The following SEMA5B variants were observed in gnomAD, a reference collection of about 807,000 sequenced individuals.
The protein encoded by SEMA5B is semaphorin-5B.
Under a neutral mutation model 135.0 loss-of-function variants are expected in SEMA5B, and 66 were observed. That is an observed-to-expected ratio of 0.49 (90% CI 0.40 to 0.60). The LOEUF is 0.60. Among genes scored for constraint, SEMA5B ranks in the 20% least tolerant of loss-of-function variants. The pLI, the probability that SEMA5B is intolerant of heterozygous loss-of-function variation, is 0.00. For missense variants in SEMA5B, 1,501 were observed against 1,566.3 expected (o/e 0.96, Z 0.70); for synonymous variants, 690 against 639.5 (o/e 1.08, Z -1.19).
chr3:122,966,553 TATTA>T (rs1403710084), intron 1 of SEMA5B, among the ~76,000 whole-genome samples: 3 of 147,708 alleles, frequency 2.0e-5, no homozygotes, highest in Non-Finnish European at 3.0e-5. Context: ...TTATTATTAT[TATTA>T]TTATTATTAT....
chr3:122,937,287 G>A (rs1469225280), intron 5 of SEMA5B, among the ~76,000 whole-genome samples: 1 of 152,204 alleles, frequency 6.6e-6, no homozygotes, highest in African/African-American at 2.4e-5. Flanking sequence ...CACTGGCAGG[G>A]CAACCCCTGA....
intron 5 of SEMA5B, among the ~76,000 whole-genome samples, chr3:122,930,035 G>A (rs1000326540): frequency 2.0e-5 from 3 of 152,214 alleles, no homozygotes; most frequent in Non-Finnish European, 4.4e-5. Flanking sequence ...TCTGTCCTGG[G>A]AGAGGGAGCC....
intron 2 of SEMA5B, among the ~76,000 whole-genome samples, chr3:122,954,017 G>A (rs1940172318): frequency 6.6e-6 from 1 of 152,212 alleles, no homozygotes; most frequent in South Asian, 2.1e-4. Flanking sequence ...GAGGAAACTG[G>A]AATATGTAAA....
intron 1 of SEMA5B, among the ~76,000 whole-genome samples, chr3:122,999,677 A>G (rs1330704118): frequency 1.3e-5 from 2 of 152,050 alleles, no homozygotes; most frequent in African/African-American, 4.8e-5. Context: ...CCCAGGGAGG[A>G]GCAGTCATGC....
Position 122,956,337 on chromosome 3 carries a change from A to G in SEMA5B, c.124+4803T>C, listed in dbSNP as rs116618694. ...AATGCACGCGCATGTGTGTGAGAGA[A>G]TGCACGCCCATGCACACGCCCCCTG... On this transcript the variant is annotated intron_variant, in intron 2 of 22. Transcript: ENST00000357599. 5.3e-3 allele frequency among the ~76,000 whole-genome samples: 813 copies of G among 152,306 alleles called. 5 individuals are homozygous for G. Among genetic ancestry groups the G allele is most frequent in the Non-Finnish European group, 9.1e-3 (616 of 68,022 alleles).
chr3:122,975,864 C>T, intron 1 of SEMA5B: 1 of 1,237,044 alleles, frequency 8.1e-7, no homozygotes, highest in Non-Finnish European at 1.1e-6. Flanking sequence ...CAACCAAATC[C>T]AAACACCCTG....
intron 8 of SEMA5B, 121 bp downstream of exon 8, chr3:122,927,669 G>C: frequency 1.6e-6 from 1 of 638,060 alleles, no homozygotes; most frequent in South Asian, 4.0e-5. Flanking sequence ...CCTCTTCCTT[G>C]ATGAGGCAAG....
intron 1 of SEMA5B, among the ~76,000 whole-genome samples, chr3:122,985,073 C>T (rs748756021): frequency 3.9e-5 from 6 of 152,300 alleles, no homozygotes; most frequent in Non-Finnish European, 5.9e-5. Flanking sequence ...TCAATCTTTT[C>T]GTCTGCATAT....
chr3:123,001,734 A>G (rs1202486334), intron 1 of SEMA5B, among the ~76,000 whole-genome samples: 1 of 152,230 alleles, frequency 6.6e-6, no homozygotes, highest in Admixed American at 6.5e-5. Flanking sequence ...CACAGCGAGT[A>G]GCCAGGCAAG....
intron 3 of SEMA5B, among the ~76,000 whole-genome samples, chr3:122,946,693 C>A (rs1220927531): frequency 1.3e-5 from 2 of 152,134 alleles, no homozygotes; most frequent in African/African-American, 4.8e-5. Context: ...AATACGAGAT[C>A]ATTAGGTACG....
rs112503669 is a variant in SEMA5B, at chr3:122,975,862, T to G, written c.-38-14561A>C. On this transcript the variant is annotated intron_variant, in intron 1 of 22. Coordinates refer to ENST00000357599, the MANE Select transcript of SEMA5B (RefSeq NM_001031702.4). Reference sequence around the variant, plus strand: ...GCTCCCCACTGCCTACACAACCAAATCCAAACACCCTGCATAGCAAGGACT... The same window carrying G: ...GCTCCCCACTGCCTACACAACCAAAGCCAAACACCCTGCATAGCAAGGACT... 19,980 of 1,211,300 alleles carry G rather than the reference T, an allele frequency of 0.016. 1,498 individuals are homozygous for G. In the East Asian group the frequency reaches 0.23, roughly 14 times the overall value. The allele number at this position is 1,211,300 out of a possible 1,614,324, so 75.0% of individuals were successfully genotyped here.
At chr3:122,967,986 G>A (rs1340764492) in intron 1 of SEMA5B, among the ~76,000 whole-genome samples, 1 of 152,258 alleles carries the variant, frequency 6.6e-6, no homozygotes, top group African/African-American at 2.4e-5. Context: ...CCCAAGGACT[G>A]CAGCCTTGAC....
chr3:122,995,958 C>T (rs942960894), intron 1 of SEMA5B, among the ~76,000 whole-genome samples: 32 of 152,368 alleles, frequency 2.1e-4, no homozygotes, highest in Middle Eastern at 3.4e-3. Flanking sequence ...GGGCTGGAGC[C>T]TGGCTGTCAG....
chr3:122,944,978 GGAGAGAGAGAGAGATAGAGAGAGAGGCA>G (rs1194203377), intron 3 of SEMA5B, among the ~76,000 whole-genome samples: 1 of 151,698 alleles, frequency 6.6e-6, no homozygotes, highest in African/African-American at 2.4e-5. Flanking sequence ...AGAAGGGCCA[GGAGAGAGAGAGAGATAGAGAGAGAGGCA>G]GAGAGAGAGA....
At chr3:123,007,072 T>C (rs1436099992) in intron 1 of SEMA5B, among the ~76,000 whole-genome samples, 2 of 152,172 alleles carry the variant, frequency 1.3e-5, no homozygotes, top group East Asian at 3.9e-4. Context: ...ACTCCCACAA[T>C]GTTACCCTTG....
intron 5 of SEMA5B, among the ~76,000 whole-genome samples, chr3:122,936,182 G>A (rs1939278815): frequency 6.6e-6 from 1 of 152,198 alleles, no homozygotes; most frequent in South Asian, 2.1e-4. Flanking sequence ...GGCTGTCCCA[G>A]AAATTCCAGG....
intron 1 of SEMA5B, among the ~76,000 whole-genome samples, chr3:122,993,824 C>A (rs1056656192): frequency 6.6e-6 from 1 of 151,916 alleles, no homozygotes; most frequent in Non-Finnish European, 1.5e-5. Flanking sequence ...CAGTCAGCTC[C>A]CCCTGCTGAA....
At chr3:122,961,018 A>G in intron 2 of SEMA5B, 122 bp downstream of exon 2, 1 of 1,044,888 alleles carries the variant, frequency 9.6e-7, no homozygotes, top group Non-Finnish European at 1.4e-6. Context: ...AGCTGCTCAA[A>G]TACAGTGGAC....
At chr3:123,025,725 C>T (rs969499128) in intron 1 of SEMA5B, among the ~76,000 whole-genome samples, 1 of 152,224 alleles carries the variant, frequency 6.6e-6, no homozygotes, top group Non-Finnish European at 1.5e-5. Context: ...AGCCCTGCCC[C>T]GAGTGGTCTA....
Sources: allele counts gnomAD v4.1 joint callset (sites outside exome capture counted in the v4.1 genomes callset), GRCh38; gene constraint gnomAD v4.1.1; transcripts MANE v1.5; gene names NCBI Gene and HGNC (gene_info 2026-07-23, HGNC 2026-07-21).